Variants in NKAIN2 observed in about 807,000 individuals in gnomAD.
NKAIN2 encodes the protein sodium/potassium transporting ATPase interacting 2.
A neutral mutation model predicts 32.6 loss-of-function variants in NKAIN2; 14 were observed. The observed-to-expected ratio is 0.43, with a 90% CI of 0.28 to 0.67. NKAIN2 has a LOEUF of 0.67. Among genes scored for constraint, NKAIN2 ranks in the 30% least tolerant of loss-of-function variants. NKAIN2 has a pLI of 0.17. For synonymous variants in NKAIN2, 80 were observed against 87.2 expected, an observed-to-expected ratio of 0.92 and a Z score of 0.46; for missense variants, 198 against 258.3, an observed-to-expected ratio of 0.77 and a Z score of 1.60.
At position 123,803,955 on chromosome 6, in the gene NKAIN2, G is replaced by A. The variant is rs141463451; in HGVS notation, c.-246G>A. On this transcript the variant is annotated 5_prime_UTR_variant, in exon 1 of 7. Coordinates refer to ENST00000368417, the MANE Select transcript of NKAIN2 (RefSeq NM_001040214.3). ...CTCCGCAGGCGGCACTGCCCGCGGC[G>A]CGGCGTGTGCACCGAGCGAGTGAAG... 0.011 allele frequency among the ~76,000 whole-genome samples: 1,590 copies of A among 150,838 alleles called. 24 individuals are homozygous for A. The highest frequency in any genetic ancestry group is 0.037 in the African/African-American group (1,519 of 41,354).
At chr6:123,877,830 G>A (rs1409775654) in intron 1 of NKAIN2, among the ~76,000 whole-genome samples, 1 of 151,936 alleles carries the variant, frequency 6.6e-6, no homozygotes, top group East Asian at 1.9e-4. Flanking sequence ...TTATTTTCTG[G>A]GATGGTTTTC....
chr6:124,117,815 A>G (rs1339461209), intron 1 of NKAIN2, among the ~76,000 whole-genome samples: 1 of 151,460 alleles, frequency 6.6e-6, no homozygotes, highest in Admixed American at 6.6e-5. Flanking sequence ...TTATAATCAT[A>G]TAATATTTAT....
At position 124,207,873 on chromosome 6, in the gene NKAIN2, CAATT is replaced by C. The variant is rs560856890; in HGVS notation, c.55-75129_55-75126del. 1.3e-4 allele frequency among the ~76,000 whole-genome samples: 19 copies of C among 151,886 alleles called. 1 individual carries two copies. In the East Asian group the frequency reaches 2.9e-3, roughly 23 times the overall value. On this transcript the variant is annotated intron_variant, in intron 1 of 6. Transcript: ENST00000368417. ...CATGTTGCTAAATTTGAGATGCAGA[CAATT>C]AAATATTAATTTTGCTAAATAATAC...
intron 2 of NKAIN2, among the ~76,000 whole-genome samples, chr6:124,336,685 T>C (rs1797883949): frequency 6.6e-6 from 1 of 151,188 alleles, no homozygotes; most frequent in South Asian, 2.1e-4. Flanking sequence ...TTTGTTTGTT[T>C]TTTTTTTGAG....
chr6:124,660,711 C>A (rs988760277), intron 4 of NKAIN2, among the ~76,000 whole-genome samples: 23 of 152,116 alleles, frequency 1.5e-4, no homozygotes, highest in African/African-American at 5.1e-4. Context: ...TGTGGAACAC[C>A]AGAGTTAGCA....
chr6:124,675,806 T>A (rs555541180), intron 4 of NKAIN2, among the ~76,000 whole-genome samples: 1 of 152,044 alleles, frequency 6.6e-6, no homozygotes, highest in African/African-American at 2.4e-5. Context: ...TTTTGTTTTT[T>A]TAATATTTTT....
intron 1 of NKAIN2, among the ~76,000 whole-genome samples, chr6:124,164,372 G>A (rs1788428740): frequency 6.6e-6 from 1 of 151,994 alleles, no homozygotes; most frequent in South Asian, 2.1e-4. Flanking sequence ...CTCAACATCT[G>A]TTAAACATCA....
At chr6:124,408,707 A>T (rs1170317200) in intron 3 of NKAIN2, among the ~76,000 whole-genome samples, 1 of 147,228 alleles carries the variant, frequency 6.8e-6, no homozygotes, top group Non-Finnish European at 1.5e-5. Flanking sequence ...TATGAACTTT[A>T]AAGTAGTTTT....
intron 1 of NKAIN2, among the ~76,000 whole-genome samples, chr6:124,081,164 C>T (rs996943152): frequency 6.6e-6 from 1 of 151,976 alleles, no homozygotes; most frequent in African/African-American, 2.4e-5. Flanking sequence ...TTTTGTCTGC[C>T]ACAGGAATTC....
At chr6:123,844,034 G>A (rs1774993461) in intron 1 of NKAIN2, among the ~76,000 whole-genome samples, 1 of 152,134 alleles carries the variant, frequency 6.6e-6, no homozygotes, top group South Asian at 2.1e-4. Flanking sequence ...CTGTCATCAG[G>A]TAGGTAAGAG....
intron 5 of NKAIN2, among the ~76,000 whole-genome samples, chr6:124,807,563 C>T (rs1780638727): frequency 2.0e-5 from 3 of 146,424 alleles, no homozygotes; most frequent in Admixed American, 6.9e-5. Context: ...GACACCCTAA[C>T]ATCACAATTA....
At chr6:124,001,800 AATATATATATATATAT>A (rs10567719) in intron 1 of NKAIN2, among the ~76,000 whole-genome samples, 3 of 135,142 alleles carry the variant, frequency 2.2e-5, no homozygotes, top group African/African-American at 2.8e-5. Context: ...CTTAGTTCTA[AATATATATATATATAT>A]ATATATATAT....
At chr6:124,333,805 G>C (rs564393776) in intron 2 of NKAIN2, among the ~76,000 whole-genome samples, 9 of 152,216 alleles carry the variant, frequency 5.9e-5, no homozygotes, top group Admixed American at 2.0e-4. Context: ...AATTCAGAAG[G>C]TAAGCCTATA....
At chr6:124,789,005 G>C (rs1042092722) in intron 4 of NKAIN2, among the ~76,000 whole-genome samples, 1 of 152,058 alleles carries the variant, frequency 6.6e-6, no homozygotes, top group Non-Finnish European at 1.5e-5. Flanking sequence ...GCAAGCTTTT[G>C]TAACAAAATG....
intron 3 of NKAIN2, among the ~76,000 whole-genome samples, chr6:124,619,602 C>A (rs512024): frequency 6.6e-6 from 1 of 151,932 alleles, no homozygotes; most frequent in Non-Finnish European, 1.5e-5. Context: ...TTTTACAGAG[C>A]CCAGTTCTCT....
chr6:124,222,023 C>T (rs574829036), intron 1 of NKAIN2, among the ~76,000 whole-genome samples: 15 of 152,148 alleles, frequency 9.9e-5, no homozygotes, highest in Non-Finnish European at 2.1e-4. Context: ...AAGACTAGAT[C>T]TTGCCTTCTA....
At chr6:124,168,534 A>C (rs556137627) in intron 1 of NKAIN2, among the ~76,000 whole-genome samples, 64 of 152,076 alleles carry the variant, frequency 4.2e-4, no homozygotes, top group African/African-American at 1.5e-3. Context: ...ATATAACAAA[A>C]GTTAAAGCCT....
intron 1 of NKAIN2, among the ~76,000 whole-genome samples, chr6:123,857,165 CAG>C (rs1243448313): frequency 1.3e-5 from 2 of 152,068 alleles, no homozygotes; most frequent in Non-Finnish European, 2.9e-5. Flanking sequence ...CATACAGTGT[CAG>C]GGGTTTATGG....
intron 1 of NKAIN2, among the ~76,000 whole-genome samples, chr6:123,821,322 G>A (rs1030877453): frequency 4.6e-5 from 7 of 152,140 alleles, no homozygotes; most frequent in Non-Finnish European, 2.9e-5. Flanking sequence ...CTTATTTTTA[G>A]TTTGGAGAAT....
Sources: allele counts gnomAD v4.1 joint callset (sites outside exome capture counted in the v4.1 genomes callset), GRCh38; gene constraint gnomAD v4.1.1; transcripts MANE v1.5; gene names NCBI Gene and HGNC (gene_info 2026-07-23, HGNC 2026-07-21).